Variants in TULP2 observed in about 807,000 individuals in gnomAD.
TULP2 encodes TUB like protein 2.
A neutral mutation model predicts 60.3 loss-of-function variants in TULP2; 64 were observed. That is an observed-to-expected ratio of 1.06 (90% CI 0.87 to 1.31). The LOEUF (loss-of-function observed/expected upper bound fraction) is 1.31. TULP2 is among the 50% of genes most tolerant of loss of function. The pLI, the probability that TULP2 is intolerant of heterozygous loss-of-function variation, is 0.00. For synonymous variants in TULP2, 267 were observed against 265.4 expected, an observed-to-expected ratio of 1.01 and a Z score of -0.06; for missense variants, 652 against 667.0, an observed-to-expected ratio of 0.98 and a Z score of 0.25.
Position 48,896,421 on chromosome 19 carries a change from T to C in TULP2, c.211+9A>G. The C allele has an allele frequency of 1.3e-6, 2 of 1,598,190 alleles. No individual in the cohort carries two copies. The highest frequency in any genetic ancestry group is 1.7e-6 in the Non-Finnish European group (2 of 1,174,950). On this transcript the variant is annotated intron_variant, in intron 4 of 12. Transcript: ENST00000221399. ...CTCCAGGCGAACGCCCCCAGGGGTCTTTGGTCACCTCTGTCACCTAAAAGG... is the reference window on the plus strand; with the variant it reads ...CTCCAGGCGAACGCCCCCAGGGGTCCTTGGTCACCTCTGTCACCTAAAAGG...
intron 1 of TULP2, 137 bp downstream of exon 1, chr19:48,898,453 C>G (rs1046708437): frequency 2.6e-5 from 4 of 151,380 alleles, no homozygotes; most frequent in African/African-American, 9.7e-5. Flanking sequence ...CTTCAAACAC[C>G]CAGCCCCCAG....
Position 48,885,398 on chromosome 19 carries a change from C to T in TULP2, c.1061+50G>A, listed in dbSNP as rs1011271493. The stretch of plus-strand genomic sequence containing the variant: ...TGCTGGGAAATGGAGTCCCCCTGTC[C>T]CTAAGCTCCCTGCTACCTGCTCCTC... On this transcript the variant is annotated intron_variant, in intron 9 of 12. Coordinates refer to ENST00000221399, the MANE Select transcript of TULP2 (RefSeq NM_003323.3). The T allele has an allele frequency of 6.6e-6, 10 of 1,516,588 alleles. No homozygotes were observed. The African/African-American group carries it at 1.1e-4, about 17-fold the overall frequency. The allele number at this position is 1,516,588 out of a possible 1,614,324, so 93.9% of individuals were successfully genotyped here. A position where few individuals can be genotyped will look rare whatever the true frequency, so the allele number is the denominator to read the frequency against.
rs776318260 is a variant in TULP2 at position 48,895,060 on chromosome 19, G to A, written c.452C>T (p.Pro151Leu). The A allele has an allele frequency of 6.8e-6, 11 of 1,614,108 alleles. No individual in the cohort carries two copies. Among genetic ancestry groups the A allele is most frequent in the Middle Eastern group, 1.7e-4 (1 of 6,058 alleles). Residue 151 changes from proline to leucine, a missense_variant, in exon 6 of 13, where the codon CCC (proline) becomes CTC (leucine). Physicochemically the swap from Pro to Leu is moderately conservative, Grantham distance 98. Transcript: ENST00000221399. The stretch of plus-strand genomic sequence containing the variant: ...TCTCGGAGACTGTTTAAAAGGTGGG[G>A]GAGAGACGGAACCATTCTCCACGGA... ...EVSVENGSVS[P>L]PPFKQSPRIR...
rs1223689083 is a variant in TULP2, at chr19:48,883,807, TCA to T, written c.1220_1221del (p.Val407AspfsTer19). 2 of 1,614,064 alleles carry T rather than the reference TCA, an allele frequency of 1.2e-6. No homozygotes were observed. Among genetic ancestry groups the T allele is most frequent in the East Asian group, 2.2e-5 (1 of 44,878 alleles). The stretch of plus-strand genomic sequence containing the variant: ...TTCTGGCTGTTGGTTCCTGGGAGAA[TCA>T]CAGTCATTTTCCGAGGCCCCAGGTA... ...LGYLGPRKMT[V>X]ILPGTNSQNQ... On this transcript the variant is annotated frameshift_variant, in exon 11 of 13. Coordinates refer to ENST00000221399, the MANE Select transcript of TULP2 (RefSeq NM_003323.3). LOFTEE classifies it high-confidence loss of function.
chr19:48,888,454 A>G (rs535611174), intron 7 of TULP2, among the ~76,000 whole-genome samples, 193 bp from the exon 8 acceptor site: 1 of 152,240 alleles, frequency 6.6e-6, no homozygotes, highest in East Asian at 1.9e-4. Flanking sequence ...TTTCCTCTGC[A>G]GCCACACGCA....
At chr19:48,892,184 T>C (rs2037239086) in intron 6 of TULP2, among the ~76,000 whole-genome samples, 1 of 152,224 alleles carries the variant, frequency 6.6e-6, no homozygotes. Context: ...GGTGTCGGGC[T>C]GGGGGACCGT....
At chr19:48,894,489 A>G (rs1410720108) in intron 6 of TULP2, among the ~76,000 whole-genome samples, 1 of 151,960 alleles carries the variant, frequency 6.6e-6, no homozygotes. Flanking sequence ...AAAAATACAA[A>G]AATTAGCTGG....
chr19:48,894,711 C>T (rs188020672), intron 6 of TULP2, among the ~76,000 whole-genome samples: 35 of 152,222 alleles, frequency 2.3e-4, no homozygotes, highest in Admixed American at 5.2e-4. Context: ...CTAGAGATGA[C>T]TTACAGTATA....
chr19:48,882,606 C>T (rs1298110285), intron 11 of TULP2, among the ~76,000 whole-genome samples: 2 of 152,084 alleles, frequency 1.3e-5, no homozygotes, highest in East Asian at 1.9e-4. Context: ...TGTAGGGTTT[C>T]CATTGGCTGG....
rs1447285103 is a variant in TULP2 at position 48,881,227 on chromosome 19, T to C, written c.1448-101A>G. 4 of 670,104 alleles carry C rather than the reference T, an allele frequency of 6.0e-6. No homozygotes were observed. In the South Asian group the frequency reaches 8.9e-5, roughly 15 times the overall value. The allele number at this position is 670,104 out of a possible 1,614,324, so 41.5% of individuals were successfully genotyped here. On this transcript the variant is annotated intron_variant, in intron 12 of 12. Coordinates refer to ENST00000221399, the MANE Select transcript of TULP2 (RefSeq NM_003323.3). ...TTTTTTTTTCTTTTTTTTTTTTTTT[T>C]GAGACAGAGTCTTGCTCTGTCGCCC...
At chr19:48,882,857 T>C (rs886090566) in intron 11 of TULP2, among the ~76,000 whole-genome samples, 2 of 152,208 alleles carry the variant, frequency 1.3e-5, no homozygotes, top group Non-Finnish European at 2.9e-5. Context: ...TAAAGTACAC[T>C]GATTTCTTTA....
intron 11 of TULP2, among the ~76,000 whole-genome samples, chr19:48,882,911 A>G (rs1414355690): frequency 1.3e-5 from 2 of 152,102 alleles, no homozygotes; most frequent in Non-Finnish European, 2.9e-5. Flanking sequence ...AGGTCTTTGA[A>G]TAAATTTTGC....
chr19:48,889,345 TGCACGCAC>T (rs372478890), intron 7 of TULP2, among the ~76,000 whole-genome samples, 157 bp downstream of exon 7: 5 of 151,678 alleles, frequency 3.3e-5, no homozygotes, highest in African/African-American at 4.8e-5. Context: ...CACACACACA[TGCACGCAC>T]GCACGCACGC....
intron 7 of TULP2, among the ~76,000 whole-genome samples, chr19:48,889,182 G>A (rs1321247503): frequency 1.3e-5 from 2 of 151,202 alleles, no homozygotes; most frequent in Admixed American, 1.3e-4. Context: ...CACCACGTTG[G>A]CCAGGCTGGT....
intron 6 of TULP2, among the ~76,000 whole-genome samples, chr19:48,893,272 A>G (rs763731659): frequency 2.0e-5 from 3 of 151,416 alleles, no homozygotes; most frequent in Non-Finnish European, 4.4e-5. Flanking sequence ...CGGGAGGCTG[A>G]GGCAGGAGAA....
chr19:48,895,259 GTCCTGAGC>G, intron 5 of TULP2, 97 bp from the exon 6 acceptor site: 1 of 1,574,290 alleles, frequency 6.4e-7, no homozygotes, highest in Non-Finnish European at 8.6e-7. Flanking sequence ...AGTGGGTGCG[GTCCTGAGC>G]TCCTGAGTAT....
At chr19:48,891,035 C>T (rs1045863366) in intron 6 of TULP2, among the ~76,000 whole-genome samples, 2 of 152,078 alleles carry the variant, frequency 1.3e-5, no homozygotes, top group Non-Finnish European at 2.9e-5. Context: ...AATTTTATGG[C>T]CGGGCACGGT....
intron 6 of TULP2, among the ~76,000 whole-genome samples, chr19:48,890,106 A>G (rs1445039190): frequency 6.6e-6 from 1 of 152,020 alleles, no homozygotes; most frequent in Admixed American, 6.5e-5. Context: ...TGCCTCTTGC[A>G]GTTGAGACAA....
intron 6 of TULP2, among the ~76,000 whole-genome samples, chr19:48,892,517 G>T (rs7254608): frequency 0.28 from 42,109 of 149,018 alleles, 6,082 homozygotes; most frequent in African/African-American, 0.35. Flanking sequence ...TTTTTTTTTG[G>T]GGGGGGGACG....
Sources: gnomAD v4.1 joint callset for allele counts (sites outside exome capture counted in the v4.1 genomes callset) on GRCh38, gnomAD v4.1.1 for gene constraint, MANE v1.5 for transcripts, NCBI Gene and HGNC (gene_info 2026-07-23, HGNC 2026-07-21) for gene names.